Variants in KIF20B observed in about 807,000 individuals in gnomAD.
KIF20B encodes kinesin-like protein KIF20B.
In KIF20B, 188 loss-of-function variants were observed where a neutral mutation model predicts 232.5. The ratio of observed to expected loss-of-function variants is 0.81; its 90% CI spans 0.72 to 0.91. KIF20B has a LOEUF of 0.91. Among genes scored for constraint, KIF20B ranks in the 40% least tolerant of loss-of-function variants. The pLI is 0.00. For missense variants in KIF20B, 2,154 were observed against 2,055.9 expected, an observed-to-expected ratio of 1.05 and a Z score of -0.92; for synonymous variants, 712 against 683.0, an observed-to-expected ratio of 1.04 and a Z score of -0.66.
chr10:89,736,637 T>C (rs895824148), intron 19 of KIF20B, among the ~76,000 whole-genome samples: 1 of 152,140 alleles, frequency 6.6e-6, no homozygotes, highest in African/African-American at 2.4e-5. Flanking sequence ...AATATACATA[T>C]TAAGCCTGAA....
rs777512294 is a variant in KIF20B at position 89,737,447 on chromosome 10, C to T, written c.2606C>T (p.Pro869Leu). The T allele has an allele frequency of 2.1e-5, 33 of 1,604,210 alleles. No homozygotes were observed. Among genetic ancestry groups the T allele is most frequent in the East Asian group, 1.8e-4 (8 of 44,762 alleles). The change falls in exon 20 of 33, where the codon CCG becomes CTG. Residue 869 changes from proline (P) to leucine (L), a missense_variant. Physicochemically the swap from Pro to Leu is moderately conservative, Grantham distance 98 (BLOSUM62 -3). Transcript: ENST00000371728. Reference protein sequence around the residue: ...EDQKKSEEVRPNIAEIEDIRV... With the variant: ...EDQKKSEEVRLNIAEIEDIRV... ...CAAAAGAAAAGTGAAGAAGTGCGAC[C>T]GAACATTGCAGAAATTGAAGACATC...
intron 1 of KIF20B, among the ~76,000 whole-genome samples, chr10:89,703,958 G>C (rs1842668612): frequency 2.0e-5 from 3 of 152,008 alleles, no homozygotes; most frequent in African/African-American, 7.2e-5. Context: ...TCACCATGTT[G>C]GCCAGGAGGG....
At chr10:89,723,863 A>G in intron 13 of KIF20B, 101 bp from the exon 14 acceptor site, 1 of 952,500 alleles carries the variant, frequency 1.0e-6, no homozygotes, top group Non-Finnish European at 1.4e-6. Context: ...ACAGAATTAC[A>G]ATTGACTAAA....
chr10:89,710,041 TC>T lies in KIF20B; in HGVS notation c.467del (p.Ser156Ter). ...GATTTTTACTTACGGGCTAACCAAT[TC>T]AGGAAAAACATATACATTTCAAGGT... ...RLIFTYGLTN[S>X]GKTYTFQGTE... On this transcript the variant is annotated frameshift_variant, in exon 5 of 33. Coordinates refer to ENST00000371728, the MANE Select transcript of KIF20B (RefSeq NM_001284259.2). LOFTEE classifies it high-confidence loss of function. 1 of 1,607,658 alleles carries T rather than the reference TC, an allele frequency of 6.2e-7. No individual in the cohort carries two copies. Among genetic ancestry groups the T allele is most frequent in the Non-Finnish European group, 8.5e-7 (1 of 1,177,498 alleles).
chr10:89,765,270 G>C (rs1443289671), intron 29 of KIF20B, among the ~76,000 whole-genome samples: 1 of 152,124 alleles, frequency 6.6e-6, no homozygotes, highest in African/African-American at 2.4e-5. Context: ...AATCATGAGT[G>C]AACTCCCATT....
At chr10:89,724,140 A>G in intron 14 of KIF20B, 37 bp downstream of exon 14, 1 of 1,424,372 alleles carries the variant, frequency 7.0e-7, no homozygotes, top group South Asian at 1.8e-5. Context: ...AAAAATTGAG[A>G]ATTTTATTTA....
Position 89,743,917 on chromosome 10 carries a change from A to G in KIF20B, c.4025A>G (p.Gln1342Arg). 6.3e-7 allele frequency: 1 copy of G among 1,586,750 alleles called. No individual in the cohort carries two copies. Among genetic ancestry groups the G allele is most frequent in the East Asian group, 2.3e-5 (1 of 43,262 alleles). ...TTAGATATGAAACAGCGAACCATTC[A>G]GCAACTCAAGGTAAACAGTTTTGTT... ...QELDMKQRTI[Q>R]QLKEQLNNQK... Residue 1342 changes from glutamine to arginine, a missense_variant, in exon 22 of 33, where the codon CAG becomes CGG. By Grantham distance (43) the Gln-to-Arg change is conservative. Transcript: ENST00000371728.
intron 25 of KIF20B, 129 bp downstream of exon 25, chr10:89,752,820 T>A: frequency 1.7e-6 from 1 of 581,716 alleles, no homozygotes; most frequent in Non-Finnish European, 2.6e-6. Context: ...TGGCAAATGT[T>A]AATATGTAAA....
chr10:89,737,219 T>G (rs1841676588), intron 19 of KIF20B, among the ~76,000 whole-genome samples, 168 bp from the exon 20 acceptor site: 1 of 151,920 alleles, frequency 6.6e-6, no homozygotes. Flanking sequence ...TCATACCACA[T>G]GTTTTAAAAC....
At chr10:89,727,768 A>G (rs912773518) in intron 16 of KIF20B, 88 bp from the exon 17 acceptor site, 65 of 1,154,174 alleles carry the variant, frequency 5.6e-5, no homozygotes, top group African/African-American at 1.6e-4. Flanking sequence ...GTAAAGTGTC[A>G]CTAGAGCAGC....
Position 89,737,468 on chromosome 10 carries a change from A to G in KIF20B, c.2627A>G (p.Asp876Gly), listed in dbSNP as rs776518445. The G allele has an allele frequency of 4.4e-6, 7 of 1,607,920 alleles. No homozygotes were observed. The highest frequency in any genetic ancestry group is 1.3e-5 in the African/African-American group (1 of 74,492). ...EVRPNIAEIE[D>G]IRVLQENNEG... ...CGACCGAACATTGCAGAAATTGAAG[A>G]CATCAGAGTTTTACAAGAAAATAAT... is the stretch of plus-strand genomic sequence containing the variant. Residue 876 changes from aspartate to glycine, a missense_variant, in exon 20 of 33, where the codon GAC becomes GGC. By Grantham distance (94) the Asp-to-Gly change is moderately conservative. Transcript: ENST00000371728.
At chr10:89,745,860 A>C (rs752395508) in intron 22 of KIF20B, 39 bp from the exon 23 acceptor site, 41 of 1,357,916 alleles carry the variant, frequency 3.0e-5, no homozygotes, top group Middle Eastern at 1.9e-4. Flanking sequence ...TGTGTTTTTA[A>C]GTTAATTTGC....
intron 23 of KIF20B, among the ~76,000 whole-genome samples, chr10:89,750,047 G>A (rs377359089): frequency 6.6e-6 from 1 of 151,952 alleles, no homozygotes; most frequent in East Asian, 1.9e-4. Context: ...TTATCATTTT[G>A]GTGTGTATTT....
intron 17 of KIF20B, among the ~76,000 whole-genome samples, chr10:89,728,905 T>TTGTGGGTGTG (rs1843251449): frequency 7.2e-6 from 1 of 138,024 alleles, no homozygotes; most frequent in Non-Finnish European, 1.5e-5. Context: ...TCTTTTTTCT[T>TTGTGGGTGTG]TGTGTGTGTG....
Position 89,742,057 on chromosome 10 carries a change from GA to G in KIF20B, c.3916-1743del, listed in dbSNP as rs528516487. 3.2e-3 allele frequency among the ~76,000 whole-genome samples: 482 copies of G among 151,692 alleles called. 4 individuals are homozygous for G. The highest frequency in any genetic ancestry group is 0.011 in the African/African-American group (448 of 41,350). On this transcript the variant is annotated intron_variant, in intron 21 of 32. Coordinates refer to ENST00000371728, the MANE Select transcript of KIF20B (RefSeq NM_001284259.2). The stretch of plus-strand genomic sequence containing the variant: ...AAAAGTTCTTAACTTAATAAATAAA[GA>G]AAAAAAATTGTAATCTGAGGTTGCT...
intron 2 of KIF20B, among the ~76,000 whole-genome samples, chr10:89,707,629 C>CT (rs1364246716): frequency 1.3e-5 from 2 of 150,258 alleles, no homozygotes; most frequent in Non-Finnish European, 3.0e-5. Flanking sequence ...CTTACCCCTC[C>CT]TTTTTTCTTC....
chr10:89,744,094 A>C (rs1184404622), intron 22 of KIF20B, among the ~76,000 whole-genome samples, 167 bp downstream of exon 22: 1 of 152,136 alleles, frequency 6.6e-6, no homozygotes, highest in South Asian at 2.1e-4. Context: ...AAAAAGATAA[A>C]ATTAAGTAGG....
intron 13 of KIF20B, among the ~76,000 whole-genome samples, chr10:89,722,951 T>A (rs1429859502): frequency 6.6e-6 from 1 of 152,174 alleles, no homozygotes; most frequent in Non-Finnish European, 1.5e-5. Flanking sequence ...ATTATTAATA[T>A]AGGTTATCAT....
intron 16 of KIF20B, among the ~76,000 whole-genome samples, chr10:89,727,356 G>A (rs1467341404): frequency 6.6e-6 from 1 of 151,620 alleles, no homozygotes; most frequent in Admixed American, 6.6e-5. Context: ...CTGGGCTCAA[G>A]TGATCCTTCC....
Sources: gnomAD v4.1 joint callset for allele counts (sites outside exome capture counted in the v4.1 genomes callset) on GRCh38, gnomAD v4.1.1 for gene constraint, MANE v1.5 for transcripts, NCBI Gene and HGNC (gene_info 2026-07-23, HGNC 2026-07-21) for gene names.